Variants in ZNF597 observed in about 807,000 individuals in gnomAD.
The protein encoded by ZNF597 is zinc finger protein 597.
In ZNF597, 5 loss-of-function variants were observed where a neutral mutation model predicts 7.3. The observed-to-expected ratio is 0.68, with a 90% CI of 0.36 to 1.44. The LOEUF (loss-of-function observed/expected upper bound fraction) is 1.44. ZNF597 is among the 40% of genes most tolerant of loss of function. The probability of loss-of-function intolerance (pLI) is 0.04; values close to 1 mark genes in which losing one functional copy is unlikely to be tolerated. For synonymous variants in ZNF597, 209 were observed against 185.4 expected (o/e 1.13, Z -1.04); for missense variants, 585 against 517.9 (o/e 1.13, Z -1.26).
rs1219517156 is a variant in ZNF597, at chr16:3,437,535, T to A, written c.164A>T (p.Glu55Val). Reference sequence around the variant, plus strand: ...CTGATTAATCTCAGGCTTGCCTTCCTCTCCTGTTGATAAAAACAAAAGAAA... The same window carrying A: ...CTGATTAATCTCAGGCTTGCCTTCCACTCCTGTTGATAAAAACAAAAGAAA... ...ESLEDAALMG[E>V]EGKPEINQQL... Residue 55 changes from glutamate (E) to valine (V), a missense_variant, in exon 4 of 4, where the codon GAG becomes GTG. Coordinates refer to ENST00000301744, the MANE Select transcript of ZNF597 (RefSeq NM_152457.3). 1 of 1,583,398 alleles carries A rather than the reference T, an allele frequency of 6.3e-7. No individual in the cohort carries two copies. Among genetic ancestry groups the A allele is most frequent in the Admixed American group, 1.9e-5 (1 of 51,648 alleles).
intron 2 of ZNF597, among the ~76,000 whole-genome samples, chr16:3,441,793 A>G (rs1382358260): frequency 1.3e-5 from 2 of 150,464 alleles, no homozygotes; most frequent in African/African-American, 4.9e-5. Flanking sequence ...ACAACAAAAA[A>G]AACTCTGTCT....
Position 3,437,013 on chromosome 16 carries a change from C to T in ZNF597, c.686G>A (p.Arg229Gln), listed in dbSNP as rs752147355. The change falls in exon 4 of 4, where the codon CGA becomes CAA. Residue 229 changes from arginine (R) to glutamine (Q), a missense_variant. Physicochemically the swap from Arg to Gln is conservative, Grantham distance 43. Coordinates refer to ENST00000301744, the MANE Select transcript of ZNF597 (RefSeq NM_152457.3). ...ASFRQHSHLSRHMNSHVKEKP... is the reference protein window; with the variant it reads ...ASFRQHSHLSQHMNSHVKEKP... ...CTCCTTTACGTGGCTATTCATGTGTCGGGATAGATGAGAGTGCTGGCGAAA... is the reference window on the plus strand; with the variant it reads ...CTCCTTTACGTGGCTATTCATGTGTTGGGATAGATGAGAGTGCTGGCGAAA... 14 of 1,613,946 alleles carry T rather than the reference C, an allele frequency of 8.7e-6. No individual in the cohort carries two copies. The highest frequency in any genetic ancestry group is 1.6e-4 in the Middle Eastern group (1 of 6,082).
intron 3 of ZNF597, among the ~76,000 whole-genome samples, chr16:3,437,936 A>G (rs965639906): frequency 3.9e-5 from 6 of 152,246 alleles, no homozygotes; most frequent in African/African-American, 1.2e-4. Context: ...ATATTTATCA[A>G]CAAAGAGAGG....
chr16:3,437,411 A>G lies in ZNF597; in HGVS notation c.288T>C (p.Asp96=), dbSNP rs2034316397. ...LVPYPEKSSE[D]GVGNPEAKIL... is the part of the protein sequence containing the mutation. ...TTTTCGCTTCAGGGTTTCCAACTCCATCCTCAGAGGATTTTTCTGGGTAAG... is the reference window on the plus strand; with the variant it reads ...TTTTCGCTTCAGGGTTTCCAACTCCGTCCTCAGAGGATTTTTCTGGGTAAG... Residue 96 remains aspartate, a synonymous_variant, in exon 4 of 4, where the codon GAT becomes GAC. Coordinates refer to ENST00000301744, the MANE Select transcript of ZNF597 (RefSeq NM_152457.3). The G allele has an allele frequency of 6.2e-7, 1 of 1,614,040 alleles. No individual in the cohort carries two copies. The highest frequency in any genetic ancestry group is 1.3e-5 in the African/African-American group (1 of 74,908).
At chr16:3,438,974 G>T (rs749742510) in intron 3 of ZNF597, among the ~76,000 whole-genome samples, 14 of 152,144 alleles carry the variant, frequency 9.2e-5, no homozygotes, top group Non-Finnish European at 1.8e-4. Flanking sequence ...TGATTTGAGG[G>T]GACTGAGTTC....
In ZNF597 at chr16:3,436,328, G is replaced by C; in HGVS notation, c.*96C>G. 1 of 1,174,280 alleles carries C rather than the reference G, an allele frequency of 8.5e-7. No homozygotes were observed. Among genetic ancestry groups the C allele is most frequent in the South Asian group, 1.5e-5 (1 of 65,594 alleles). 72.7% of individuals were successfully genotyped at this position (1,174,280 alleles called of 1,614,324 possible). On this transcript the variant is annotated 3_prime_UTR_variant, in exon 4 of 4. Coordinates refer to ENST00000301744, the MANE Select transcript of ZNF597 (RefSeq NM_152457.3). ...AGTATTACATGGGAATGTGTGTAAA[G>C]TGCTTAGCACATTGCCTGGGACATA...
chr16:3,438,542 G>C (rs2034329639), intron 3 of ZNF597, among the ~76,000 whole-genome samples: 1 of 151,298 alleles, frequency 6.6e-6, no homozygotes, highest in South Asian at 2.1e-4. Context: ...CAGCCTGGGC[G>C]ACAGAGCAAG....
At position 3,436,757 on chromosome 16, in the gene ZNF597, G is replaced by T; in HGVS notation, c.942C>A (p.Ser314=). The change falls in exon 4 of 4, where the codon TCC becomes TCA. Residue 314 remains serine, a synonymous_variant. Transcript: ENST00000301744. ...SFRQSLYPAL[S]EKSHDEDSER... is the part of the protein sequence containing the mutation. ...CAGAGTCCTCGTCGTGGCTCTTCTC[G>T]GAAAGGGCAGGATATAAGGACTGCC... 1.2e-6 allele frequency: 2 copies of T among 1,613,648 alleles called. No individual in the cohort carries two copies.
chr16:3,443,332 G>A (rs1211731972), intron 1 of ZNF597, 28 bp downstream of exon 1: 4 of 619,638 alleles, frequency 6.5e-6, no homozygotes, highest in Non-Finnish European at 1.1e-5. Flanking sequence ...TCCTCCTCTT[G>A]GCCCGGCCTC....
rs927442242 is a variant in ZNF597, at chr16:3,436,077, T to C, written c.*347A>G. On this transcript the variant is annotated 3_prime_UTR_variant, in exon 4 of 4. Coordinates refer to ENST00000301744, the MANE Select transcript of ZNF597 (RefSeq NM_152457.3). ...AAATATAAATAAATTCTCCTCCTTC[T>C]AAAAGTCAGAAACTACGTAAACAAA... 4.1e-5 allele frequency: 9 copies of C among 218,708 alleles called. No individual in the cohort carries two copies. Among genetic ancestry groups the C allele is most frequent in the Admixed American group, 3.6e-4 (7 of 19,280 alleles). The allele number at this position is 218,708 out of a possible 1,614,324, so 13.5% of individuals were successfully genotyped here.
intron 3 of ZNF597, among the ~76,000 whole-genome samples, chr16:3,439,076 G>A (rs1391897358): frequency 1.3e-5 from 2 of 152,196 alleles, no homozygotes; most frequent in East Asian, 1.9e-4. Context: ...TCTACATGGG[G>A]TCCCCTTAAG....
At chr16:3,440,740 A>G (rs965802121) in intron 3 of ZNF597, 67 bp downstream of exon 3, 1 of 1,592,804 alleles carries the variant, frequency 6.3e-7, no homozygotes, top group Non-Finnish European at 8.6e-7. Flanking sequence ...CAACATCTGG[A>G]TAAAGCATGA....
rs2034267155 is a variant in ZNF597 at position 3,432,668 on chromosome 16, A to C, written c.*3756T>G. 6.6e-6 allele frequency: 1 copy of C among 152,340 alleles called. No homozygotes were observed. Among genetic ancestry groups the C allele is most frequent in the East Asian group, 1.9e-4 (1 of 5,178 alleles). The allele number at this position is 152,340 out of a possible 1,614,324, so 9.4% of individuals were successfully genotyped here. On this transcript the variant is annotated 3_prime_UTR_variant, in exon 4 of 4. Coordinates refer to ENST00000301744, the MANE Select transcript of ZNF597 (RefSeq NM_152457.3). Reference sequence around the variant, plus strand: ...TATTGTATTCCCCCCCTACAGACTTAATGCAAAGAGGACTGTCAATTTTAA... The same window carrying C: ...TATTGTATTCCCCCCCTACAGACTTCATGCAAAGAGGACTGTCAATTTTAA...
chr16:3,439,492 C>G (rs2034342331), intron 3 of ZNF597, among the ~76,000 whole-genome samples: 1 of 152,102 alleles, frequency 6.6e-6, no homozygotes, highest in Non-Finnish European at 1.5e-5. Context: ...GAGCAATAAC[C>G]AGTTCATGTT....
rs2150931487 is a variant in ZNF597 at position 3,433,607 on chromosome 16, A to G, written c.*2817T>C. The G allele has an allele frequency of 6.6e-6, 1 of 152,336 alleles. No homozygotes were observed. The highest frequency in any genetic ancestry group is 1.5e-5 in the Non-Finnish European group (1 of 68,026). The allele number at this position is 152,336 out of a possible 1,614,324, so 9.4% of individuals were successfully genotyped here. A position where few individuals can be genotyped will look rare whatever the true frequency, so the allele number is the denominator to read the frequency against. On this transcript the variant is annotated 3_prime_UTR_variant, in exon 4 of 4. Transcript: ENST00000301744. ...AAGGCTAGTATCTGAGTTAATGACA[A>G]TTTTATGGAATTTATCTCCATCAGT...
intron 3 of ZNF597, 108 bp from the exon 4 acceptor site, chr16:3,437,646 GTTAT>G (rs2034319710): frequency 6.9e-7 from 1 of 1,439,388 alleles, no homozygotes; most frequent in South Asian, 1.5e-5. Flanking sequence ...CCTTAGAAGG[GTTAT>G]TCTATAACCC....
chr16:3,441,827 G>A (rs142875348), intron 2 of ZNF597, among the ~76,000 whole-genome samples: 6,631 of 148,530 alleles, frequency 0.045, 196 homozygotes, highest in Middle Eastern at 0.07. Flanking sequence ...AAAATAAAAT[G>A]AAATTAGCCA....
At position 3,436,530 on chromosome 16, in the gene ZNF597, C is replaced by T; in HGVS notation, c.1169G>A (p.Ser390Asn). 1 of 1,614,160 alleles carries T rather than the reference C, an allele frequency of 6.2e-7. No individual in the cohort carries two copies. Among genetic ancestry groups the T allele is most frequent in the Non-Finnish European group, 8.5e-7 (1 of 1,180,006 alleles). The change falls in exon 4 of 4, where the codon AGC (serine) becomes AAC (asparagine). Residue 390 changes from serine (S) to asparagine (N), a missense_variant. By Grantham distance (46) the Ser-to-Asn change is conservative. Coordinates refer to ENST00000301744, the MANE Select transcript of ZNF597 (RefSeq NM_152457.3). ...LDSELACHQK[S>N]HMLAEPFKCT... Reference sequence around the variant, plus strand: ...TTTAAAAGGTTCCGCTAGCATGTGGCTCTTCTGGTGGCATGCAAGTTCTGA... The same window carrying T: ...TTTAAAAGGTTCCGCTAGCATGTGGTTCTTCTGGTGGCATGCAAGTTCTGA...
chr16:3,443,412 C>T lies in ZNF597; in HGVS notation c.-106G>A. On this transcript the variant is annotated 5_prime_UTR_variant, in exon 1 of 4. Transcript: ENST00000301744. ...GCTCCCTGACAGGAGCTGCAGAAAG[C>T]GACGCCCGACCGAGACGCGACGAAG... 1.9e-6 allele frequency: 1 copy of T among 521,366 alleles called. No homozygotes were observed. The highest frequency in any genetic ancestry group is 3.3e-5 in the East Asian group (1 of 30,018). 32.3% of individuals were successfully genotyped at this position (521,366 alleles called of 1,614,324 possible).
Sources: gnomAD v4.1 joint callset for allele counts (sites outside exome capture counted in the v4.1 genomes callset) on GRCh38, gnomAD v4.1.1 for gene constraint, MANE v1.5 for transcripts, NCBI Gene and HGNC (gene_info 2026-07-23, HGNC 2026-07-21) for gene names.